Variants in MSH4 observed in about 807,000 individuals in gnomAD.
MSH4 encodes mutS homolog 4.
Under a neutral mutation model 113.7 loss-of-function variants are expected in MSH4, and 106 were observed. The ratio of observed to expected loss-of-function variants is 0.93; its 90% CI spans 0.80 to 1.10. MSH4 has a LOEUF of 1.10. Among genes scored for constraint, MSH4 ranks in the 50% least tolerant of loss-of-function variants. The probability of loss-of-function intolerance (pLI) is 0.00; values close to 1 mark genes in which losing one functional copy is unlikely to be tolerated. For missense variants in MSH4, 1,061 were observed against 1,093.7 expected (o/e 0.97, Z 0.42); for synonymous variants, 368 against 380.2 (o/e 0.97, Z 0.37).
At chr1:75,879,274 A>T in intron 12 of MSH4, 146 bp downstream of exon 12, 1 of 694,572 alleles carries the variant, frequency 1.4e-6, no homozygotes, top group East Asian at 2.7e-5. Context: ...TAACTAATGT[A>T]CTAATCTAAG....
At chr1:75,800,494 G>A (rs1023205636) in intron 1 of MSH4, among the ~76,000 whole-genome samples, 1 of 152,018 alleles carries the variant, frequency 6.6e-6, no homozygotes, top group African/African-American at 2.4e-5. Flanking sequence ...CTGGAAGCAA[G>A]GAGAAGAAGA....
At chr1:75,837,687 C>T (rs1488700766) in intron 7 of MSH4, among the ~76,000 whole-genome samples, 1 of 152,076 alleles carries the variant, frequency 6.6e-6, no homozygotes, top group Non-Finnish European at 1.5e-5. Context: ...TGTGCCCGGC[C>T]GCCATCTTCT....
rs539496903 is a variant in MSH4 at position 75,882,444 on chromosome 1, G to A, written c.1906+1074G>A. Among the ~76,000 whole-genome samples the A allele has an allele frequency of 2.6e-5, 4 of 151,978 alleles. No individual in the cohort carries two copies. The East Asian group carries it at 7.7e-4, about 29-fold the overall frequency. ...TCTTCCTCCTCCCCCCACTTCAGGT[G>A]GTATCCATAGAGACCTGATCCTTAT... On this transcript the variant is annotated intron_variant, in intron 14 of 19. Coordinates refer to ENST00000263187, the MANE Select transcript of MSH4 (RefSeq NM_002440.4).
At chr1:75,818,328 C>G (rs2100516802) in intron 6 of MSH4, among the ~76,000 whole-genome samples, 1 of 152,252 alleles carries the variant, frequency 6.6e-6, no homozygotes, top group Non-Finnish European at 1.5e-5. Context: ...ATTCTTACCC[C>G]CACTTGCAAA....
chr1:75,883,837 A>T lies in MSH4; in HGVS notation c.2107+16A>T, dbSNP rs1328715707. On this transcript the variant is annotated intron_variant, in intron 15 of 19. Coordinates refer to ENST00000263187, the MANE Select transcript of MSH4 (RefSeq NM_002440.4). ...GCCCAGATTGGTAAGTTATGGCTTT[A>T]TTTATAATGACCAGTTTTACACTCT... is the stretch of plus-strand genomic sequence containing the variant. 8.8e-6 allele frequency: 14 copies of T among 1,598,278 alleles called. No individual in the cohort carries two copies. The Admixed American group carries it at 2.4e-4, about 28-fold the overall frequency.
chr1:75,882,671 A>ATT lies in MSH4; in HGVS notation c.1907-950_1907-949insTT, dbSNP rs1347647218. On this transcript the variant is annotated intron_variant, in intron 14 of 19. Coordinates refer to ENST00000263187, the MANE Select transcript of MSH4 (RefSeq NM_002440.4). ...TAGCTAGACCTCATTTCTAAAAAAA[A>ATT]AAAAAAAAAAAAAAAAAATCGGTGA... 1.0e-4 allele frequency among the ~76,000 whole-genome samples: 15 copies of ATT among 149,582 alleles called. 2 individuals carry two copies. Among genetic ancestry groups the ATT allele is most frequent in the African/African-American group, 9.8e-5 (4 of 40,952 alleles).
At chr1:75,879,235 G>C (rs5745453) in intron 12 of MSH4, 107 bp downstream of exon 12, 2 of 993,104 alleles carry the variant, frequency 2.0e-6, no homozygotes, top group Non-Finnish European at 3.0e-6. Context: ...TGAATGTTCT[G>C]TATCTTCTCC....
intron 19 of MSH4, among the ~76,000 whole-genome samples, chr1:75,909,468 G>A (rs1367513010): frequency 8.1e-6 from 1 of 123,402 alleles, no homozygotes; most frequent in African/African-American, 3.4e-5. Flanking sequence ...ATCCAGAATT[G>A]TATTTTTTTT....
At chr1:75,842,111 A>G (rs1650971503) in intron 7 of MSH4, among the ~76,000 whole-genome samples, 1 of 152,196 alleles carries the variant, frequency 6.6e-6, no homozygotes, top group Non-Finnish European at 1.5e-5. Context: ...TTTGGTTCAG[A>G]AAGGCAGGAC....
At chr1:75,802,909 T>C (rs1312948831) in intron 1 of MSH4, among the ~76,000 whole-genome samples, 1 of 152,194 alleles carries the variant, frequency 6.6e-6, no homozygotes, top group Non-Finnish European at 1.5e-5. Flanking sequence ...GGGCATCACA[T>C]GGAGAGGGAG....
intron 19 of MSH4, among the ~76,000 whole-genome samples, chr1:75,907,987 G>A (rs563361499): frequency 6.7e-6 from 1 of 150,188 alleles, no homozygotes; most frequent in East Asian, 2.0e-4. Flanking sequence ...TGGTATTATA[G>A]GCATGAGCCA....
intron 7 of MSH4, among the ~76,000 whole-genome samples, chr1:75,830,960 G>A (rs1650673097): frequency 6.6e-6 from 1 of 152,112 alleles, no homozygotes; most frequent in Non-Finnish European, 1.5e-5. Context: ...AAATGTAAAT[G>A]GGCTAAATGC....
Position 75,870,919 on chromosome 1 carries a change from CT to C in MSH4, c.1305+3334del, listed in dbSNP as rs1278012090. Among the ~76,000 whole-genome samples the C allele has an allele frequency of 2.0e-5, 3 of 152,210 alleles. No homozygotes were observed. In the East Asian group the frequency reaches 5.8e-4, roughly 29 times the overall value. On this transcript the variant is annotated intron_variant, in intron 9 of 19. Coordinates refer to ENST00000263187, the MANE Select transcript of MSH4 (RefSeq NM_002440.4). ...GATTTCATGAAACACAAATTTTAAA[CT>C]TTGGTATGTCAAAAGCAAAGTAAAA... is the stretch of plus-strand genomic sequence containing the variant.
intron 4 of MSH4, among the ~76,000 whole-genome samples, chr1:75,812,442 C>A (rs943784331): frequency 6.6e-6 from 1 of 151,958 alleles, no homozygotes; most frequent in Admixed American, 6.6e-5. Context: ...GCCTGTAATC[C>A]CAGCACTTTC....
chr1:75,879,399 A>C (rs920677268), intron 12 of MSH4, among the ~76,000 whole-genome samples: 9 of 152,212 alleles, frequency 5.9e-5, no homozygotes, highest in Non-Finnish European at 1.3e-4. Context: ...TGTTTATGAT[A>C]AAAGAAATTA....
intron 8 of MSH4, among the ~76,000 whole-genome samples, chr1:75,863,203 A>G (rs1651496543): frequency 2.6e-5 from 4 of 152,104 alleles, no homozygotes; most frequent in Admixed American, 6.6e-5. Context: ...AAGTATTATG[A>G]TAAGTGCTAA....
At chr1:75,802,174 C>A (rs1649952906) in intron 1 of MSH4, among the ~76,000 whole-genome samples, 1 of 151,830 alleles carries the variant, frequency 6.6e-6, no homozygotes, top group Non-Finnish European at 1.5e-5. Flanking sequence ...CACATACAGA[C>A]AAAAAGGAAA....
At chr1:75,857,627 G>A (rs1651349603) in intron 8 of MSH4, among the ~76,000 whole-genome samples, 1 of 152,094 alleles carries the variant, frequency 6.6e-6, no homozygotes. Context: ...TGAGGCCTCC[G>A]TTCTGTTCCG....
chr1:75,874,331 G>A, intron 9 of MSH4, among the ~76,000 whole-genome samples: 1 of 152,142 alleles, frequency 6.6e-6, no homozygotes, highest in South Asian at 2.1e-4. Flanking sequence ...AAGCATAGAT[G>A]TGGAAGTTTT....
Sources: gnomAD v4.1 joint callset for allele counts (sites outside exome capture counted in the v4.1 genomes callset) on GRCh38, gnomAD v4.1.1 for gene constraint, MANE v1.5 for transcripts, NCBI Gene and HGNC (gene_info 2026-07-23, HGNC 2026-07-21) for gene names.